Variants in ZDHHC15 observed in about 807,000 individuals in gnomAD.
The protein encoded by ZDHHC15 is palmitoyltransferase ZDHHC15.
A neutral mutation model predicts 31.7 loss-of-function variants in ZDHHC15; 19 were observed. That is an observed-to-expected ratio of 0.60 (90% CI 0.42 to 0.88). The LOEUF (loss-of-function observed/expected upper bound fraction) is 0.88. ZDHHC15 is among the 40% of genes least tolerant of loss of function. The probability of loss-of-function intolerance (pLI) is 0.00; values close to 1 mark genes in which losing one functional copy is unlikely to be tolerated. For synonymous variants in ZDHHC15, 103 were observed against 90.0 expected, an observed-to-expected ratio of 1.14 and a Z score of -0.82; for missense variants, 209 against 251.2, an observed-to-expected ratio of 0.83 and a Z score of 1.14.
chrX:75,498,091 G>A (rs770860611), intron 2 of ZDHHC15, among the ~76,000 whole-genome samples: 8 of 110,215 alleles, frequency 7.3e-5, no homozygotes, highest in South Asian at 8.0e-4. Context: ...GCACCACCAC[G>A]CCAGAATAAT....
chrX:75,474,909 A>G (rs2084576339), intron 3 of ZDHHC15, among the ~76,000 whole-genome samples: 1 of 108,822 alleles, frequency 9.2e-6, no homozygotes, highest in African/African-American at 3.3e-5. Flanking sequence ...AAATACAAAA[A>G]ATTAGCCAGG....
intron 2 of ZDHHC15, among the ~76,000 whole-genome samples, chrX:75,494,407 T>A (rs2084953990): frequency 9.0e-6 from 1 of 111,477 alleles, no homozygotes; most frequent in African/African-American, 3.3e-5. Context: ...TACCAATGAC[T>A]TTCTTCACAG....
In ZDHHC15 at chrX:75,396,761, T is replaced by TTTTATCTATTC. The variant is rs763938676; in HGVS notation, c.968-17564_968-17563insGAATAGATAAA. Among the ~76,000 whole-genome samples, 867 of 111,062 alleles carry TTTTATCTATTC rather than the reference T, an allele frequency of 7.8e-3. 11 individuals carry two copies. The highest frequency in any genetic ancestry group is 0.026 in the African/African-American group (797 of 30,541). ...ACCTAAGTGTCCATCAGCAGATGAA[T>TTTTATCTATTC]AGATAAAAAGTAGTATATACATACA... On this transcript the variant is annotated intron_variant, in intron 10 of 11. Transcript: ENST00000373367.
rs2083005200 is a variant in ZDHHC15 at position 75,371,441 on chromosome X, A to G, written c.*1537T>C. 8.9e-6 allele frequency: 1 copy of G among 111,927 alleles called. No individual in the cohort carries two copies. The allele number at this position is 111,927 out of a possible 1,213,427, so 9.2% of individuals were successfully genotyped here. A position where few individuals can be genotyped will look rare whatever the true frequency, so the allele number is the denominator to read the frequency against. ...ACCACAATCCATTTAATTTATGCCA[A>G]AAGTCTCACCTTGGTCAAAATTACC... On this transcript the variant is annotated 3_prime_UTR_variant, in exon 12 of 12. Transcript: ENST00000373367.
chrX:75,516,769 C>A (rs774946905), intron 1 of ZDHHC15, among the ~76,000 whole-genome samples: 18 of 111,697 alleles, frequency 1.6e-4, no homozygotes, highest in African/African-American at 5.5e-4. Flanking sequence ...TTCTGCACAG[C>A]AAAAGAAACT....
rs1265913513 is a variant in ZDHHC15, at chrX:75,407,158, G to A, written c.967+9929C>T. On this transcript the variant is annotated intron_variant, in intron 10 of 11. Transcript: ENST00000373367. The stretch of plus-strand genomic sequence containing the variant: ...CCCGGCTGCCCATCGTCTGAGATGT[G>A]GGGAGTGCCTCTGCCTGGCCGCGAC... 5.4e-5 allele frequency among the ~76,000 whole-genome samples: 6 copies of A among 111,009 alleles called. No individual in the cohort carries two copies. The Admixed American group carries it at 5.7e-4, about 10-fold the overall frequency.
chrX:75,491,815 C>A (rs891174512), intron 2 of ZDHHC15, among the ~76,000 whole-genome samples: 1 of 111,065 alleles, frequency 9.0e-6, no homozygotes, highest in East Asian at 2.8e-4. Flanking sequence ...AAGGAATGAT[C>A]AGTACCAGCC....
At chrX:75,429,029 G>A in intron 7 of ZDHHC15, 49 bp downstream of exon 7, 1 of 1,190,258 alleles carries the variant, frequency 8.4e-7, no homozygotes, top group South Asian at 1.9e-5. Flanking sequence ...ACAAGTTGGA[G>A]TGGGTGTGCA....
At chrX:75,400,841 G>GA (rs919749856) in intron 10 of ZDHHC15, among the ~76,000 whole-genome samples, 1 of 111,487 alleles carries the variant, frequency 9.0e-6, no homozygotes, top group African/African-American at 3.3e-5. Flanking sequence ...CACTTATAAA[G>GA]AAAAAAACTT....
chrX:75,420,751 C>T (rs1306699391), intron 9 of ZDHHC15, among the ~76,000 whole-genome samples: 1 of 110,595 alleles, frequency 9.0e-6, no homozygotes, highest in East Asian at 2.8e-4. Context: ...GGGAGTTGAT[C>T]AATGAGAACA....
At chrX:75,488,131 T>C (rs892667802) in intron 2 of ZDHHC15, among the ~76,000 whole-genome samples, 7 of 112,043 alleles carry the variant, frequency 6.2e-5, no homozygotes, top group Admixed American at 5.7e-4. Flanking sequence ...TTCCCTGGTC[T>C]TGCTACTGAT....
At chrX:75,405,937 T>A (rs1284357767) in intron 10 of ZDHHC15, among the ~76,000 whole-genome samples, 2 of 112,159 alleles carry the variant, frequency 1.8e-5, no homozygotes, top group African/African-American at 3.2e-5. Flanking sequence ...CATCACCAAA[T>A]TCTAAAAAGT....
chrX:75,389,200 G>A (rs1341308047), intron 10 of ZDHHC15, among the ~76,000 whole-genome samples: 1 of 111,753 alleles, frequency 8.9e-6, no homozygotes, highest in Non-Finnish European at 1.9e-5. Flanking sequence ...AATCCCAGTG[G>A]TCAGAACCTG....
intron 11 of ZDHHC15, among the ~76,000 whole-genome samples, chrX:75,378,839 T>C (rs1479286120): frequency 9.0e-6 from 1 of 110,783 alleles, no homozygotes; most frequent in Non-Finnish European, 1.9e-5. Flanking sequence ...AGTATGAGAG[T>C]AAATAACCTT....
intron 10 of ZDHHC15, among the ~76,000 whole-genome samples, chrX:75,383,600 C>T (rs2083140111): frequency 9.0e-6 from 1 of 111,029 alleles, no homozygotes; most frequent in African/African-American, 3.3e-5. Context: ...ATCATTGTAT[C>T]CTTTGAATTC....
At chrX:75,424,307 C>T (rs1299995368) in intron 8 of ZDHHC15, among the ~76,000 whole-genome samples, 1 of 110,867 alleles carries the variant, frequency 9.0e-6, no homozygotes, top group Admixed American at 9.7e-5. Flanking sequence ...TCTGACATCC[C>T]CTTCTGTACT....
At chrX:75,444,674 A>G (rs1421471091) in intron 4 of ZDHHC15, among the ~76,000 whole-genome samples, 2 of 83,618 alleles carry the variant, frequency 2.4e-5, no homozygotes, top group Non-Finnish European at 4.5e-5. Context: ...ATATATATAT[A>G]TATATATATA....
chrX:75,503,328 T>C (rs1340887345), intron 2 of ZDHHC15, among the ~76,000 whole-genome samples: 1 of 110,983 alleles, frequency 9.0e-6, no homozygotes, highest in African/African-American at 3.3e-5. Flanking sequence ...TACAAATGTA[T>C]GGATTTTGAC....
intron 3 of ZDHHC15, among the ~76,000 whole-genome samples, chrX:75,478,037 A>G (rs1226717416): frequency 9.0e-6 from 1 of 111,452 alleles, no homozygotes; most frequent in African/African-American, 3.3e-5. Flanking sequence ...CGGAGGCTGG[A>G]AAGTTTCCCT....
Sources: allele counts gnomAD v4.1 joint callset (sites outside exome capture counted in the v4.1 genomes callset), GRCh38; gene constraint gnomAD v4.1.1; transcripts MANE v1.5; gene names NCBI Gene and HGNC (gene_info 2026-07-23, HGNC 2026-07-21).